The following LPA variants were observed in gnomAD, a reference collection of about 807,000 sequenced individuals.
LPA encodes apolipoprotein(a).
Under a neutral mutation model 197.9 loss-of-function variants are expected in LPA, and 199 were observed. The ratio of observed to expected loss-of-function variants is 1.01; its 90% CI spans 0.90 to 1.13. LPA has a LOEUF of 1.13. LPA is among the 50% of genes most tolerant of loss of function. The pLI, the probability that LPA is intolerant of heterozygous loss-of-function variation, is 0.00. For missense variants in LPA, 1,853 were observed against 1,785.8 expected, an observed-to-expected ratio of 1.04 and a Z score of -0.68; for synonymous variants, 715 against 639.5, an observed-to-expected ratio of 1.12 and a Z score of -1.78.
In LPA at chr6:160,570,183, C is replaced by T. The variant is rs545789062; in HGVS notation, c.4631+6953G>A. 5.9e-5 allele frequency among the ~76,000 whole-genome samples: 9 copies of T among 152,292 alleles called. No homozygotes were observed. The South Asian group carries it at 1.9e-3, about 32-fold the overall frequency. ...TCATGCTGCTATAAAGACACATGCA[C>T]ACATATGTTTATTGCGGCACTATTC... On this transcript the variant is annotated intron_variant, in intron 28 of 38. Transcript: ENST00000316300.
intron 28 of LPA, among the ~76,000 whole-genome samples, 178 bp from the exon 29 acceptor site, chr6:160,557,749 A>G (rs990707215): frequency 3.9e-5 from 6 of 152,084 alleles, no homozygotes; most frequent in Non-Finnish European, 8.8e-5. Context: ...AACCATGTAA[A>G]TTTCCAAGAT....
intron 18 of LPA, among the ~76,000 whole-genome samples, chr6:160,603,233 GGT>G (rs72482597): frequency 0.014 from 1,958 of 144,608 alleles, 25 homozygotes; most frequent in African/African-American, 0.041. Flanking sequence ...TATTTGTGGA[GGT>G]GTGTGTGTGT....
intron 28 of LPA, among the ~76,000 whole-genome samples, chr6:160,570,227 A>T (rs1342965631): frequency 6.6e-6 from 1 of 152,254 alleles, no homozygotes; most frequent in Non-Finnish European, 1.5e-5. Flanking sequence ...AAAGACTTGG[A>T]ACCAACACAA....
chr6:160,611,430 T>G, intron 16 of LPA, 132 bp downstream of exon 16: 1 of 1,504,430 alleles, frequency 6.6e-7, no homozygotes, highest in East Asian at 2.3e-5. Context: ...AAGGAAATCA[T>G]CCTGAGACAT....
chr6:160,559,717 T>A (rs967784569), intron 28 of LPA, among the ~76,000 whole-genome samples: 3 of 152,246 alleles, frequency 2.0e-5, no homozygotes, highest in African/African-American at 7.2e-5. Flanking sequence ...TAAGTTTATG[T>A]GAGTCCTTAT....
chr6:160,606,737 C>T, intron 16 of LPA, 79 bp from the exon 17 acceptor site: 1 of 1,555,162 alleles, frequency 6.4e-7, no homozygotes, highest in Non-Finnish European at 8.9e-7. Context: ...CTTTGTGCTG[C>T]AACAAGGTCA....
intron 30 of LPA, among the ~76,000 whole-genome samples, chr6:160,551,691 A>G (rs1446952407): frequency 6.6e-6 from 1 of 152,210 alleles, no homozygotes; most frequent in African/African-American, 2.4e-5. Flanking sequence ...TAGGTGGAAG[A>G]GATATCAAAA....
At chr6:160,603,214 AT>A (rs1455700490) in intron 18 of LPA, among the ~76,000 whole-genome samples, 2 of 130,076 alleles carry the variant, frequency 1.5e-5, no homozygotes, top group Non-Finnish European at 3.4e-5. Context: ...AGTGGATTTC[AT>A]TTTTTAGTAT....
At chr6:160,567,962 G>C (rs1473660298) in intron 28 of LPA, among the ~76,000 whole-genome samples, 5 of 152,262 alleles carry the variant, frequency 3.3e-5, no homozygotes, top group Middle Eastern at 3.4e-3. Flanking sequence ...TTGAATCCTT[G>C]AATAGACCAA....
At chr6:160,593,926 T>A in intron 22 of LPA, 32 bp downstream of exon 22, 1 of 1,611,992 alleles carries the variant, frequency 6.2e-7, no homozygotes, top group Non-Finnish European at 8.5e-7. Context: ...AGGGGGCTGC[T>A]GTCTGTCTTT....
intron 33 of LPA, 145 bp from the exon 34 acceptor site, chr6:160,542,953 T>G (rs1778005932): frequency 3.4e-6 from 4 of 1,160,766 alleles, no homozygotes; most frequent in Non-Finnish European, 5.0e-6. Flanking sequence ...TTTAGATTTT[T>G]CTTTCTAAGT....
intron 32 of LPA, 82 bp from the exon 33 acceptor site, chr6:160,545,615 T>C (rs1778056651): frequency 2.4e-6 from 2 of 837,042 alleles, no homozygotes; most frequent in South Asian, 2.7e-5. Context: ...ACATTTCACA[T>C]CTATTCTTAG....
At chr6:160,594,284 G>A (rs1193017800) in intron 21 of LPA, among the ~76,000 whole-genome samples, 167 bp from the exon 22 acceptor site, 2 of 152,172 alleles carry the variant, frequency 1.3e-5, no homozygotes, top group African/African-American at 2.4e-5. Context: ...AAGATTCATA[G>A]CATTCTAGAA....
chr6:160,592,209 G>A (rs1217274177), intron 22 of LPA, among the ~76,000 whole-genome samples: 1 of 151,554 alleles, frequency 6.6e-6, no homozygotes, highest in African/African-American at 2.4e-5. Flanking sequence ...TTGATTAATT[G>A]GTTCAGTCAT....
intron 28 of LPA, among the ~76,000 whole-genome samples, chr6:160,565,240 AC>A (rs1186521178): frequency 1.3e-5 from 2 of 152,042 alleles, no homozygotes; most frequent in Non-Finnish European, 2.9e-5. Flanking sequence ...TGGGTCCGTG[AC>A]CCCCGAGTAG....
intron 36 of LPA, 66 bp from the exon 37 acceptor site, chr6:160,538,027 G>T (rs1264086556): frequency 1.4e-6 from 2 of 1,393,398 alleles, no homozygotes; most frequent in East Asian, 2.3e-5. Context: ...CTACAACCAG[G>T]CATCCCTGCC....
intron 26 of LPA, among the ~76,000 whole-genome samples, chr6:160,581,938 T>A (rs759084849): frequency 1.3e-5 from 2 of 152,152 alleles, no homozygotes; most frequent in African/African-American, 2.4e-5. Flanking sequence ...ATCAATAAAG[T>A]TTTTTTGTTT....
chr6:160,565,038 G>T (rs1778426823), intron 28 of LPA, among the ~76,000 whole-genome samples: 1 of 152,212 alleles, frequency 6.6e-6, no homozygotes, highest in Non-Finnish European at 1.5e-5. Flanking sequence ...CTCAAACTGG[G>T]TGGAGCCCAC....
chr6:160,588,685 A>G (rs1225813903), intron 24 of LPA, among the ~76,000 whole-genome samples: 1 of 152,152 alleles, frequency 6.6e-6, no homozygotes, highest in African/African-American at 2.4e-5. Context: ...TAGCCAGCCT[A>G]GAACACATCA....
Sources: allele counts gnomAD v4.1 joint callset (sites outside exome capture counted in the v4.1 genomes callset), GRCh38; gene constraint gnomAD v4.1.1; transcripts MANE v1.5; gene names NCBI Gene and HGNC (gene_info 2026-07-23, HGNC 2026-07-21).